DDX11: variants seen among roughly 807,000 people sequenced by gnomAD.
DDX11 encodes DEAD/H-box helicase 11.
Under a neutral mutation model 125.2 loss-of-function variants are expected in DDX11, and 72 were observed. That is an observed-to-expected ratio of 0.58 (90% confidence interval 0.48 to 0.70). The LOEUF (loss-of-function observed/expected upper bound fraction) is 0.70. DDX11 is among the 30% of genes least tolerant of loss of function. The pLI, the probability that DDX11 is intolerant of heterozygous loss-of-function variation, is 0.00. For missense variants in DDX11, 883 were observed against 1,165.0 expected (o/e 0.76, Z 3.52); for synonymous variants, 347 against 452.6 (o/e 0.77, Z 2.96).
chr12:31,080,640 C>G (rs1054456553), intron 2 of DDX11, among the ~76,000 whole-genome samples: 20 of 152,038 alleles, frequency 1.3e-4, no homozygotes, highest in Non-Finnish European at 2.4e-4. Flanking sequence ...TTCCCTCTCT[C>G]CTAAAACATA....
chr12:31,100,967 T>G, intron 19 of DDX11, 60 bp from the exon 20 acceptor site: 1 of 1,456,158 alleles, frequency 6.9e-7, no homozygotes, highest in South Asian at 1.1e-5. Flanking sequence ...ATGCCCTCTC[T>G]GCAGTGTCTT....
chr12:31,084,176 C>T lies in DDX11; in HGVS notation c.393+115C>T, dbSNP rs935415735. 4.2e-6 allele frequency: 6 copies of T among 1,412,930 alleles called. No individual in the cohort carries two copies. The Admixed American group carries it at 8.6e-5, about 20-fold the overall frequency. 87.5% of individuals were successfully genotyped at this position (1,412,930 alleles called of 1,614,324 possible). A position where few individuals can be genotyped will look rare whatever the true frequency, so the allele number is the denominator to read the frequency against. ...ATGCTCCCCTGCCGTTGCCGTGCCT[C>T]TCAGCTCTTCCCTCAGCTCCTTGGG... On this transcript the variant is annotated intron_variant, in intron 3 of 26. Coordinates refer to ENST00000542838, the MANE Select transcript of DDX11 (RefSeq NM_030653.4).
In DDX11 at chr12:31,100,392, T is replaced by C. The variant is rs961896996; in HGVS notation, c.1876-243T>C. The C allele has an allele frequency of 1.2e-4, 48 of 392,750 alleles. No individual in the cohort carries two copies. In the Admixed American group the frequency reaches 1.9e-3, roughly 16 times the overall value. 24.3% of individuals were successfully genotyped at this position (392,750 alleles called of 1,614,324 possible). Reference sequence around the variant, plus strand: ...TGGTGATTTTGCTGCATGGCCAGGGTTGATAATGACTGTGCCAGATTTGCT... The same window carrying C: ...TGGTGATTTTGCTGCATGGCCAGGGCTGATAATGACTGTGCCAGATTTGCT... On this transcript the variant is annotated intron_variant, in intron 18 of 26. Coordinates refer to ENST00000542838, the MANE Select transcript of DDX11 (RefSeq NM_030653.4).
chr12:31,089,588 A>G, intron 8 of DDX11, 98 bp downstream of exon 8: 3 of 1,319,418 alleles, frequency 2.3e-6, no homozygotes, highest in Non-Finnish European at 1.1e-6. Flanking sequence ...CATAGAAAGA[A>G]TGGCAGAGGA....
Position 31,083,813 on chromosome 12 carries a change from G to A in DDX11, c.145G>A (p.Gly49Arg). The stretch of plus-strand genomic sequence containing the variant: ...CTAAAGATCATTTTTCTTCCTGCAG[G>A]GGAAGTCCTTAAGTCTTATTTGTGG... ...IGIFESPTGT[G>R]KSLSLICGAL... Residue 49 changes from glycine to arginine, a missense_variant and splice_region_variant, in exon 3 of 27, where the codon GGG becomes AGG. This residue lies in a region of DDX11 where 283 missense variants were observed against 359.6 expected (regional missense o/e 0.79). Coordinates refer to ENST00000542838, the MANE Select transcript of DDX11 (RefSeq NM_030653.4). 2.5e-6 allele frequency: 4 copies of A among 1,611,878 alleles called. No homozygotes were observed. The highest frequency in any genetic ancestry group is 3.4e-6 in the Non-Finnish European group (4 of 1,179,822).
rs115165633 is a variant in DDX11 at position 31,079,982 on chromosome 12, G to A, written c.144+1445G>A. 9.5e-3 allele frequency among the ~76,000 whole-genome samples: 1,399 copies of A among 146,616 alleles called. 32 individuals carry two copies. The highest frequency in any genetic ancestry group is 0.035 in the African/African-American group (1,346 of 38,412). On this transcript the variant is annotated intron_variant, in intron 2 of 26. Coordinates refer to ENST00000542838, the MANE Select transcript of DDX11 (RefSeq NM_030653.4). Reference sequence around the variant, plus strand: ...TGACTTGACAGATTTCAGCATGAGTGTTAATGGGGACAGACGGCCGCACCC... The same window carrying A: ...TGACTTGACAGATTTCAGCATGAGTATTAATGGGGACAGACGGCCGCACCC...
intron 1 of DDX11, chr12:31,077,929 C>G (rs1030823624): frequency 6.1e-6 from 2 of 325,742 alleles, no homozygotes; most frequent in African/African-American, 4.3e-5. Context: ...TCTGCCTGTG[C>G]GTCATGATTT....
Position 31,096,895 on chromosome 12 carries a change from C to T in DDX11, c.1667C>T (p.Thr556Ile), listed in dbSNP as rs1414982409. The change falls in exon 17 of 27, where the codon ACC becomes ATC. Residue 556 changes from threonine to isoleucine, a missense_variant. This residue lies in a region of DDX11 where 241 missense variants were observed against 279.7 expected (regional missense o/e 0.86). Transcript: ENST00000542838. ...AAPADESQAS[T>I]LRPASPLMHI... The stretch of plus-strand genomic sequence containing the variant: ...CCTGCAGACGAGAGTCAGGCCAGCA[C>T]CCTGCGACCAGCTTCTCCACTGATG... The T allele has an allele frequency of 4.3e-6, 7 of 1,614,056 alleles. No individual in the cohort carries two copies. The East Asian group carries it at 1.1e-4, about 26-fold the overall frequency.
intron 2 of DDX11, 73 bp from the exon 3 acceptor site, chr12:31,083,740 A>G: frequency 6.5e-7 from 1 of 1,542,924 alleles, no homozygotes; most frequent in South Asian, 1.1e-5. Context: ...TCAAGCTTTT[A>G]TTAAAATGGG....
At chr12:31,099,523 A>G (rs895096893) in intron 18 of DDX11, among the ~76,000 whole-genome samples, 2 of 150,802 alleles carry the variant, frequency 1.3e-5, no homozygotes, top group Non-Finnish European at 2.9e-5. Flanking sequence ...TTTTGAAATC[A>G]TAGTACCAAT....
chr12:31,074,495 AG>A (rs1940412765), intron 1 of DDX11, among the ~76,000 whole-genome samples: 2 of 152,224 alleles, frequency 1.3e-5, no homozygotes, highest in Non-Finnish European at 2.9e-5. Context: ...GAGGCGGAGC[AG>A]GGTACAGTAC....
intron 5 of DDX11, chr12:31,087,612 G>A: frequency 4.7e-6 from 2 of 425,808 alleles, no homozygotes; most frequent in Non-Finnish European, 8.8e-6. Context: ...CCGCCCTGGG[G>A]CCTCAGAGGG....
intron 2 of DDX11, among the ~76,000 whole-genome samples, chr12:31,083,358 T>C (rs1942405714): frequency 1.3e-5 from 2 of 149,970 alleles, no homozygotes; most frequent in African/African-American, 4.9e-5. Flanking sequence ...GCACTGGCGC[T>C]CATGACTGAT....
chr12:31,098,415 T>C (rs1274828762), intron 18 of DDX11, among the ~76,000 whole-genome samples: 3 of 152,296 alleles, frequency 2.0e-5, no homozygotes, highest in Non-Finnish European at 2.9e-5. Context: ...CACTGGAACT[T>C]GCTCTTTTCA....
intron 6 of DDX11, among the ~76,000 whole-genome samples, chr12:31,088,633 G>T (rs1260788149): frequency 6.6e-6 from 1 of 152,168 alleles, no homozygotes; most frequent in Non-Finnish European, 1.5e-5. Context: ...TAGAGAGAGG[G>T]TATTCTGGTC....
chr12:31,093,483 G>A (rs1191450842), intron 12 of DDX11, 159 bp downstream of exon 12: 3 of 928,444 alleles, frequency 3.2e-6, no homozygotes, highest in Non-Finnish European at 5.1e-6. Context: ...GGGAGGCCGA[G>A]GCAGGTGGTT....
rs527574584 is a variant in DDX11, at chr12:31,089,404, A to G, written c.794A>G (p.Asn265Ser). The change falls in exon 8 of 27, where the codon AAC becomes AGC. Residue 265 changes from asparagine (N) to serine (S), a missense_variant and splice_region_variant. By Grantham distance (46) the Asn-to-Ser change is conservative. This residue lies in a region of DDX11 where 283 missense variants were observed against 359.6 expected (regional missense o/e 0.79). Coordinates refer to ENST00000542838, the MANE Select transcript of DDX11 (RefSeq NM_030653.4). ...VRLVSLGSRQ[N>S]LCVNEDVKSL... ...CTCTTTCTTTCTCCTTTGCTGCAGAACCTTTGTGTAAATGAAGACGTGAAA... is the reference window on the plus strand; with the variant it reads ...CTCTTTCTTTCTCCTTTGCTGCAGAGCCTTTGTGTAAATGAAGACGTGAAA... 3 of 1,613,848 alleles carry G rather than the reference A, an allele frequency of 1.9e-6. No individual in the cohort carries two copies. The highest frequency in any genetic ancestry group is 3.3e-5 in the Admixed American group (2 of 60,004).
rs375363924 is a variant in DDX11 at position 31,097,039 on chromosome 12, C to T, written c.1762+49C>T. ...GTTCAGTTCCCAGGAAGGAGCCAAG[C>T]TGAGCCCGGGAGCCGCAGCGTGAAA... On this transcript the variant is annotated intron_variant, in intron 17 of 26. Coordinates refer to ENST00000542838, the MANE Select transcript of DDX11 (RefSeq NM_030653.4). The T allele has an allele frequency of 3.1e-6, 5 of 1,610,084 alleles. No homozygotes were observed. In the African/African-American group the frequency reaches 6.7e-5, roughly 22 times the overall value.
chr12:31,076,720 C>CAAGA (rs1429989603), intron 1 of DDX11: 2 of 152,150 alleles, frequency 1.3e-5, no homozygotes, highest in Non-Finnish European at 1.5e-5. Context: ...TACCTTTCTT[C>CAAGA]CCCTTTCCTT....
Sources: allele counts gnomAD v4.1 joint callset (sites outside exome capture counted in the v4.1 genomes callset), GRCh38; gene constraint gnomAD v4.1.1; regional missense constraint gnomAD v4.1.1; transcripts MANE v1.5; gene names NCBI Gene and HGNC (gene_info 2026-07-23, HGNC 2026-07-21).